GIT1: variants seen among roughly 807,000 people sequenced by gnomAD.
The protein encoded by GIT1 is ARF GTPase-activating protein GIT1.
GIT1 carries 14 observed loss-of-function variants against 91.7 expected under a neutral mutation model. The observed-to-expected ratio is 0.15, with a 90% CI of 0.10 to 0.24. GIT1 has a LOEUF of 0.24. Among genes scored for constraint, GIT1 ranks in the 10% least tolerant of loss-of-function variants. The probability of loss-of-function intolerance (pLI) is 1.00; values close to 1 mark genes in which losing one functional copy is unlikely to be tolerated. For missense variants in GIT1, 717 were observed against 1,024.9 expected, an observed-to-expected ratio of 0.70 and a Z score of 4.10; for synonymous variants, 414 against 418.2, an observed-to-expected ratio of 0.99 and a Z score of 0.12.
intron 2 of GIT1, 121 bp downstream of exon 2, chr17:29,583,362 G>T: frequency 2.9e-6 from 3 of 1,021,952 alleles, no homozygotes; most frequent in Admixed American, 2.1e-5. Flanking sequence ...CCCTAGGGGG[G>T]TGCTGCCCCT....
In GIT1 at chr17:29,582,761, C is replaced by G; in HGVS notation, c.342G>C (p.Leu114=). The G allele has an allele frequency of 6.2e-7, 1 of 1,613,704 alleles. No individual in the cohort carries two copies. Among genetic ancestry groups the G allele is most frequent in the East Asian group, 2.2e-5 (1 of 44,882 alleles). The stretch of plus-strand genomic sequence containing the variant: ...GGCAGGGAAGCTTGTGCACAAATGC[C>G]AGCATCTGGTACTTGGCCCTGATGA... ...SEFIRAKYQM[L]AFVHKLPCRD... The change falls in exon 4 of 20, where the codon CTG becomes CTC. Residue 114 remains leucine, a synonymous_variant. Transcript: ENST00000225394.
chr17:29,582,378 G>A (rs972989155), intron 4 of GIT1, among the ~76,000 whole-genome samples: 1 of 152,252 alleles, frequency 6.6e-6, no homozygotes, highest in Non-Finnish European at 1.5e-5. Context: ...TACTATTTAT[G>A]AAGTAGATGC....
At chr17:29,584,421 C>T (rs1397817982) in intron 1 of GIT1, among the ~76,000 whole-genome samples, 2 of 152,240 alleles carry the variant, frequency 1.3e-5, no homozygotes, top group Non-Finnish European at 2.9e-5. Context: ...GCTCTCCACT[C>T]TTTTGGGAAA....
intron 7 of GIT1, among the ~76,000 whole-genome samples, chr17:29,580,734 G>A (rs1013885017): frequency 8.6e-5 from 13 of 151,886 alleles, no homozygotes; most frequent in Admixed American, 1.3e-4. Flanking sequence ...ACAGAACCCA[G>A]TGGCCCACCC....
chr17:29,582,811 G>T lies in GIT1; in HGVS notation c.300-8C>A, dbSNP rs755548923. 6.2e-7 allele frequency: 1 copy of T among 1,608,436 alleles called. No individual in the cohort carries two copies. The highest frequency in any genetic ancestry group is 1.1e-5 in the South Asian group (1 of 90,982). Reference sequence around the variant, plus strand: ...AACTCTGACTTGATGGGGCTGCATGGGGCACACAGGAGGAATGGGGAGCAT... The same window carrying T: ...AACTCTGACTTGATGGGGCTGCATGTGGCACACAGGAGGAATGGGGAGCAT... On this transcript the variant is annotated splice_polypyrimidine_tract_variant and splice_region_variant and intron_variant, in intron 3 of 19. Transcript: ENST00000225394.
intron 1 of GIT1, among the ~76,000 whole-genome samples, chr17:29,584,650 C>T (rs562452961): frequency 6.6e-6 from 1 of 152,342 alleles, no homozygotes; most frequent in South Asian, 2.1e-4. Context: ...CCCAGCGGCC[C>T]CCACCCTGTC....
chr17:29,579,060 A>G, intron 7 of GIT1: 2 of 1,358,836 alleles, frequency 1.5e-6, no homozygotes, highest in Non-Finnish European at 2.1e-6. Flanking sequence ...AGGGCAGCAC[A>G]CGCCTTTTCA....
chr17:29,578,228 G>T, intron 9 of GIT1, 71 bp downstream of exon 9: 2 of 1,267,146 alleles, frequency 1.6e-6, no homozygotes, highest in Non-Finnish European at 2.3e-6. Flanking sequence ...TCTTAGCCCA[G>T]TAAAGGACCA....
At position 29,574,537 on chromosome 17, in the gene GIT1, G is replaced by T. The variant is rs765980878; in HGVS notation, c.*165C>A. ...GCCCCCCCACCTCCCCATCCTTAGG[G>T]GCTCGACAGGGGTGGGCACCAGGGC... On this transcript the variant is annotated 3_prime_UTR_variant, in exon 20 of 20. Transcript: ENST00000225394. 1.7e-5 allele frequency: 12 copies of T among 691,958 alleles called. No homozygotes were observed. The highest frequency in any genetic ancestry group is 3.1e-5 in the Non-Finnish European group (12 of 384,742). 42.9% of individuals were successfully genotyped at this position (691,958 alleles called of 1,614,324 possible). A position where few individuals can be genotyped will look rare whatever the true frequency, so the allele number is the denominator to read the frequency against.
chr17:29,586,823 C>G (rs1239624895), intron 1 of GIT1, among the ~76,000 whole-genome samples: 1 of 152,190 alleles, frequency 6.6e-6, no homozygotes, highest in Non-Finnish European at 1.5e-5. Flanking sequence ...TTCTCCAGGG[C>G]TCCCTGCCCC....
chr17:29,581,588 G>C lies in GIT1; in HGVS notation c.718+154C>G, dbSNP rs2033396936. On this transcript the variant is annotated intron_variant, in intron 6 of 19. Coordinates refer to ENST00000225394, the MANE Select transcript of GIT1 (RefSeq NM_014030.4). This position sits in a 1 kb window ranked among gnomAD's most constrained non-coding sequence, Gnocchi z 4.8. ...CTAGCCCCAGCGATGCTATGGCCCA[G>C]AGCCTGCAGTAATTTCACAGGAGCC... 1.4e-6 allele frequency: 1 copy of C among 701,298 alleles called. No homozygotes were observed. The highest frequency in any genetic ancestry group is 2.5e-6 in the Non-Finnish European group (1 of 400,264). 43.4% of individuals were successfully genotyped at this position (701,298 alleles called of 1,614,324 possible). A position where few individuals can be genotyped will look rare whatever the true frequency, so the allele number is the denominator to read the frequency against.
chr17:29,576,895 T>C lies in GIT1; in HGVS notation c.1195A>G (p.Ser399Gly). 6.3e-7 allele frequency: 1 copy of C among 1,576,802 alleles called. No homozygotes were observed. Among genetic ancestry groups the C allele is most frequent in the Non-Finnish European group, 8.6e-7 (1 of 1,162,972 alleles). The change falls in exon 12 of 20, where the codon AGC (serine) becomes GGC (glycine). Residue 399 changes from serine to glycine, a missense_variant. Ser to Gly is a moderately conservative substitution (Grantham distance 56). This residue lies in a region of GIT1 where 312 missense variants were observed against 349.5 expected (regional missense o/e 0.89). Coordinates refer to ENST00000225394, the MANE Select transcript of GIT1 (RefSeq NM_014030.4). ...DEDTDQEPLR[S>G]TGATRSNRAR... ...CGGTTGCTCCGAGTGGCGCCGGTGC[T>C]GCGCAGGGGCTCCTGGTCTGTGTCC...
At chr17:29,588,473 T>C (rs1038932814) in intron 1 of GIT1, among the ~76,000 whole-genome samples, 7 of 152,022 alleles carry the variant, frequency 4.6e-5, no homozygotes, top group African/African-American at 7.2e-5. Context: ...GGAACCACCA[T>C]GTAAATACAG....
At position 29,578,383 on chromosome 17, in the gene GIT1, G is replaced by C. The variant is rs769501007; in HGVS notation, c.811-12C>G. On this transcript the variant is annotated splice_polypyrimidine_tract_variant and intron_variant, in intron 8 of 19. Coordinates refer to ENST00000225394, the MANE Select transcript of GIT1 (RefSeq NM_014030.4). ...AGCCGGTTGCTGAGCTGGAGGAAGA[G>C]AGGGGCCCAGATGTTGTCAGATGCA... 3.1e-6 allele frequency: 5 copies of C among 1,613,386 alleles called. No homozygotes were observed. In the African/African-American group the frequency reaches 4.0e-5, roughly 13 times the overall value.
Position 29,576,664 on chromosome 17 carries a change from G to A in GIT1, c.1238C>T (p.Ser413Phe), listed in dbSNP as rs1242062247. Residue 413 changes from serine to phenylalanine, a missense_variant, in exon 13 of 20, where the codon TCC (serine) becomes TTC (phenylalanine). Physicochemically the swap from Ser to Phe is radical, Grantham distance 155. Coordinates refer to ENST00000225394, the MANE Select transcript of GIT1 (RefSeq NM_014030.4). ...CACAGCCCCGTCAGACAAGTCCGAG[G>A]AGTCCATGCTCTGCAGAGAGAGACC... ...TRSNRARSMDSSDLSDGAVTL... is the reference protein window; with the variant it reads ...TRSNRARSMDFSDLSDGAVTL... 2.5e-6 allele frequency: 4 copies of A among 1,613,820 alleles called. No individual in the cohort carries two copies. Among genetic ancestry groups the A allele is most frequent in the African/African-American group, 1.3e-5 (1 of 74,930 alleles).
chr17:29,581,807 C>T lies in GIT1; in HGVS notation c.653G>A (p.Arg218Lys). ...RQAGHHELAE[R>K]LVECQYELTD... ...GAGCTCATATTGGCACTCAACCAGC[C>T]TTTCCGCCAGCTCATGGTGCCCCGC... Residue 218 changes from arginine (R) to lysine (K), a missense_variant, in exon 6 of 20, where the codon AGG becomes AAG. This residue lies in a region of GIT1 where 271 missense variants were observed against 451.6 expected (regional missense o/e 0.60). Coordinates refer to ENST00000225394, the MANE Select transcript of GIT1 (RefSeq NM_014030.4). The surrounding 1 kb of genome is among the most constrained non-coding windows in gnomAD (Gnocchi z 4.8). 6.2e-7 allele frequency: 1 copy of T among 1,612,768 alleles called. No individual in the cohort carries two copies. Among genetic ancestry groups the T allele is most frequent in the Non-Finnish European group, 8.5e-7 (1 of 1,179,994 alleles).
Position 29,582,933 on chromosome 17 carries a change from G to A in GIT1, c.291C>T (p.Asp97=). 1 of 1,608,294 alleles carries A rather than the reference G, an allele frequency of 6.2e-7. No individual in the cohort carries two copies. The highest frequency in any genetic ancestry group is 1.3e-5 in the African/African-American group (1 of 74,968). ...CCTCCAGCCCCACTCACTGGACTTT[G>A]TCTTGGGGGTTGGCTTTACGCCGGC... is the stretch of plus-strand genomic sequence containing the variant. ...QSGRRKANPQ[D]KVHPIKSEFI... is the part of the protein sequence containing the mutation. The change falls in exon 3 of 20, where the codon GAC becomes GAT. Residue 97 remains aspartate (D), a synonymous_variant. Transcript: ENST00000225394.
chr17:29,575,407 G>A lies in GIT1; in HGVS notation c.1890C>T (p.Ser630=). 1 of 1,613,280 alleles carries A rather than the reference G, an allele frequency of 6.2e-7. No homozygotes were observed. The highest frequency in any genetic ancestry group is 8.5e-7 in the Non-Finnish European group (1 of 1,179,482). The change falls in exon 18 of 20, where the codon AGC becomes AGT. Residue 630 remains serine, a synonymous_variant. Coordinates refer to ENST00000225394, the MANE Select transcript of GIT1 (RefSeq NM_014030.4). This position sits in a 1 kb window ranked among gnomAD's most constrained non-coding sequence, Gnocchi z 5.5. ...KEEDFHPELE[S]LDGDLDPGLP... The stretch of plus-strand genomic sequence containing the variant: ...GCCCAGGATCTAGGTCTCCATCCAG[G>A]CTTTCCAGCTCTGGGTGGAAGTCTT...
rs149133882 is a variant in GIT1, at chr17:29,576,552, C to T, written c.1350G>A (p.Leu450=). The change falls in exon 13 of 20, where the codon CTG becomes CTA. Residue 450 remains leucine, a synonymous_variant. Coordinates refer to ENST00000225394, the MANE Select transcript of GIT1 (RefSeq NM_014030.4). The part of the protein sequence containing the change: ...VQQLMKVNSS[L]SDELRRLQRE... ...GCTGCAGCCTCCGGAGCTCGTCGCT[C>T]AGGCTACTGTTGACCTTCATGAGCT... 4 of 1,613,988 alleles carry T rather than the reference C, an allele frequency of 2.5e-6. No individual in the cohort carries two copies. The highest frequency in any genetic ancestry group is 1.7e-5 in the Admixed American group (1 of 60,024).
Sources: gnomAD v4.1 joint callset for allele counts (sites outside exome capture counted in the v4.1 genomes callset) on GRCh38, gnomAD v4.1.1 for gene constraint, gnomAD v4.1.1 regional missense constraint, Gnocchi (gnomAD v3.1) non-coding constraint, MANE v1.5 for transcripts, NCBI Gene and HGNC (gene_info 2026-07-23, HGNC 2026-07-21) for gene names.